The following PPARG variants were observed in gnomAD, a reference collection of about 807,000 sequenced individuals.
The protein encoded by PPARG is peroxisome proliferator-activated receptor gamma.
PPARG carries 17 observed loss-of-function variants against 39.2 expected under a neutral mutation model. That is an observed-to-expected ratio of 0.43 (90% confidence interval 0.30 to 0.65). The LOEUF (loss-of-function observed/expected upper bound fraction) is 0.65. Among genes scored for constraint, PPARG ranks in the 30% least tolerant of loss-of-function variants. The pLI is 0.13. For missense variants in PPARG, 406 were observed against 585.9 expected, an observed-to-expected ratio of 0.69 and a Z score of 3.17; for synonymous variants, 223 against 215.7, an observed-to-expected ratio of 1.03 and a Z score of -0.30.
intron 1 of PPARG, among the ~76,000 whole-genome samples, chr3:12,298,577 T>C (rs2046853202): frequency 6.6e-6 from 1 of 152,186 alleles, no homozygotes; most frequent in South Asian, 2.1e-4. Context: ...GTGAAACTTG[T>C]GGCATGTCCT....
chr3:12,315,938 G>A (rs2125007226), intron 2 of PPARG, among the ~76,000 whole-genome samples: 1 of 152,260 alleles, frequency 6.6e-6, no homozygotes, highest in African/African-American at 2.4e-5. Flanking sequence ...ACCCAAGACA[G>A]GATTTGAACA....
chr3:12,403,135 A>C (rs1458696049), intron 5 of PPARG, among the ~76,000 whole-genome samples: 1 of 151,786 alleles, frequency 6.6e-6, no homozygotes, highest in Non-Finnish European at 1.5e-5. Context: ...TCTACAAAAA[A>C]ATTAAAAATT....
intron 4 of PPARG, 106 bp downstream of exon 4, chr3:12,381,597 G>A (rs2049664382): frequency 3.3e-6 from 4 of 1,200,102 alleles, no homozygotes; most frequent in South Asian, 2.7e-5. Context: ...TTTCTTCATG[G>A]AAGAGTATCT....
At chr3:12,294,316 T>A (rs187330728) in intron 1 of PPARG, among the ~76,000 whole-genome samples, 1 of 152,318 alleles carries the variant, frequency 6.6e-6, no homozygotes, top group Admixed American at 6.5e-5. Context: ...AAACAGTTAT[T>A]CTGAAACATC....
At chr3:12,306,946 A>C (rs191560649) in intron 1 of PPARG, among the ~76,000 whole-genome samples, 1 of 151,858 alleles carries the variant, frequency 6.6e-6, no homozygotes, top group East Asian at 1.9e-4. Flanking sequence ...AAAATACAAA[A>C]AATTAGCCGG....
chr3:12,390,757 A>G (rs886804987), intron 4 of PPARG, among the ~76,000 whole-genome samples: 5 of 143,626 alleles, frequency 3.5e-5, no homozygotes, highest in Non-Finnish European at 6.0e-5. Flanking sequence ...TGATCCTTCC[A>G]TCTCAGCCGC....
intron 5 of PPARG, among the ~76,000 whole-genome samples, chr3:12,404,808 TATAAA>T (rs749537356): frequency 3.3e-5 from 5 of 152,006 alleles, no homozygotes; most frequent in South Asian, 2.1e-4. Context: ...CATCTCAAAA[TATAAA>T]ATAAAATAAA....
At position 12,416,937 on chromosome 3, in the gene PPARG, C is replaced by T. The variant is rs551166467; in HGVS notation, c.963C>T (p.His321=). The T allele has an allele frequency of 2.5e-4, 397 of 1,613,986 alleles. 3 individuals are homozygous for T. In the South Asian group the frequency reaches 3.9e-3, roughly 16 times the overall value. Residue 321 remains histidine (H), a synonymous_variant, in exon 7 of 8, where the codon CAC becomes CAT. Transcript: ENST00000651735. ...DQVTLLKYGV[H]EIIYTMLASL... ...TAACTCTCCTCAAATATGGAGTCCACGAGATCATTTACACAATGCTGGCCT... is the reference window on the plus strand; with the variant it reads ...TAACTCTCCTCAAATATGGAGTCCATGAGATCATTTACACAATGCTGGCCT...
At chr3:12,424,479 C>A (rs2051368614) in intron 7 of PPARG, among the ~76,000 whole-genome samples, 1 of 152,144 alleles carries the variant, frequency 6.6e-6, no homozygotes, top group Non-Finnish European at 1.5e-5. Context: ...GAGGCTCAGT[C>A]GATCAGTCAG....
intron 1 of PPARG, among the ~76,000 whole-genome samples, chr3:12,303,591 T>C (rs1006509980): frequency 6.6e-6 from 1 of 152,156 alleles, no homozygotes; most frequent in Non-Finnish European, 1.5e-5. Context: ...ACTGGCACTT[T>C]CCCTTGTGGA....
chr3:12,337,021 C>T (rs1050895351), intron 2 of PPARG, among the ~76,000 whole-genome samples: 3 of 152,214 alleles, frequency 2.0e-5, no homozygotes, highest in Non-Finnish European at 1.5e-5. Flanking sequence ...AGAAGGCATA[C>T]TCTTTTCATG....
At chr3:12,329,754 A>G (rs1029394008) in intron 2 of PPARG, among the ~76,000 whole-genome samples, 1 of 152,114 alleles carries the variant, frequency 6.6e-6, no homozygotes, top group South Asian at 2.1e-4. Context: ...AAGCTTTTTC[A>G]TCACCCAAAC....
intron 1 of PPARG, among the ~76,000 whole-genome samples, chr3:12,295,394 C>T (rs2046753300): frequency 1.3e-5 from 2 of 151,788 alleles, no homozygotes; most frequent in Non-Finnish European, 2.9e-5. Flanking sequence ...AGGCATTTGG[C>T]AATATAGGAT....
At chr3:12,341,220 G>A (rs1313253271) in intron 2 of PPARG, among the ~76,000 whole-genome samples, 1 of 151,972 alleles carries the variant, frequency 6.6e-6, no homozygotes, top group Non-Finnish European at 1.5e-5. Context: ...AAGAACCATG[G>A]GATGGGTGTC....
At chr3:12,385,783 T>TA (rs1454247977) in intron 4 of PPARG, among the ~76,000 whole-genome samples, 1 of 152,190 alleles carries the variant, frequency 6.6e-6, no homozygotes, top group Non-Finnish European at 1.5e-5. Flanking sequence ...CGTAGCTTAT[T>TA]AATCCAACTT....
intron 4 of PPARG, 102 bp from the exon 5 acceptor site, chr3:12,392,512 C>T: frequency 7.4e-7 from 1 of 1,359,856 alleles, no homozygotes; most frequent in South Asian, 1.2e-5. Context: ...GTGTCAAGAA[C>T]CTGCCTTTTC....
At chr3:12,317,270 AT>A (rs1438409434) in intron 2 of PPARG, among the ~76,000 whole-genome samples, 1 of 152,138 alleles carries the variant, frequency 6.6e-6, no homozygotes, top group East Asian at 1.9e-4. Flanking sequence ...TTGCTTTTGA[AT>A]TTTGGCCTTC....
At chr3:12,388,736 C>T (rs1259967775) in intron 4 of PPARG, among the ~76,000 whole-genome samples, 1 of 151,924 alleles carries the variant, frequency 6.6e-6, no homozygotes, top group Non-Finnish European at 1.5e-5. Flanking sequence ...ATTGGGATTG[C>T]CTGATACAGA....
At chr3:12,322,812 G>GT (rs2047582646) in intron 2 of PPARG, among the ~76,000 whole-genome samples, 2 of 151,838 alleles carry the variant, frequency 1.3e-5, no homozygotes, top group Admixed American at 1.3e-4. Context: ...TTGTTTGTTT[G>GT]TTTTTTTCAG....
Sources: allele counts gnomAD v4.1 joint callset (sites outside exome capture counted in the v4.1 genomes callset), GRCh38; gene constraint gnomAD v4.1.1; transcripts MANE v1.5; gene names NCBI Gene and HGNC (gene_info 2026-07-23, HGNC 2026-07-21).